ARHGAP10: variants seen among roughly 807,000 people sequenced by gnomAD.
ARHGAP10 encodes rho GTPase-activating protein 10.
Under a neutral mutation model 108.6 loss-of-function variants are expected in ARHGAP10, and 87 were observed. That is an observed-to-expected ratio of 0.80 (90% CI 0.67 to 0.96). ARHGAP10 has a LOEUF of 0.96. Among genes scored for constraint, ARHGAP10 ranks in the 40% least tolerant of loss-of-function variants. ARHGAP10 has a pLI of 0.00. For missense variants in ARHGAP10, 939 were observed against 954.5 expected, an observed-to-expected ratio of 0.98 and a Z score of 0.21; for synonymous variants, 347 against 341.1, an observed-to-expected ratio of 1.02 and a Z score of -0.19.
intron 1 of ARHGAP10, among the ~76,000 whole-genome samples, chr4:147,761,529 C>T (rs1379308772): frequency 6.6e-6 from 1 of 152,136 alleles, no homozygotes; most frequent in Non-Finnish European, 1.5e-5. Flanking sequence ...CTCTCTGATT[C>T]TCAAAACTTG....
intron 22 of ARHGAP10, 38 bp from the exon 23 acceptor site, chr4:148,071,955 G>T: frequency 1.3e-6 from 2 of 1,585,710 alleles, no homozygotes; most frequent in Non-Finnish European, 1.7e-6. Context: ...AAGTACTTGG[G>T]GGCATTTTGT....
Position 147,822,714 on chromosome 4 carries a change from C to T in ARHGAP10, c.155-13C>T, listed in dbSNP as rs777062898. Reference sequence around the variant, plus strand: ...AACAAGAACCCAAGTCATCATTATACTTTTCTTTCTAGGTCTGTCAGTGGC... The same window carrying T: ...AACAAGAACCCAAGTCATCATTATATTTTTCTTTCTAGGTCTGTCAGTGGC... On this transcript the variant is annotated splice_polypyrimidine_tract_variant and intron_variant, in intron 1 of 22. Coordinates refer to ENST00000336498, the MANE Select transcript of ARHGAP10 (RefSeq NM_024605.4). 6.2e-7 allele frequency: 1 copy of T among 1,611,702 alleles called. No homozygotes were observed. Among genetic ancestry groups the T allele is most frequent in the Non-Finnish European group, 8.5e-7 (1 of 1,178,052 alleles).
At chr4:147,992,310 T>C (rs2149636945) in intron 18 of ARHGAP10, among the ~76,000 whole-genome samples, 1 of 152,280 alleles carries the variant, frequency 6.6e-6, no homozygotes, top group African/African-American at 2.4e-5. Flanking sequence ...TGGTCAAACT[T>C]CCCCCTTCAC....
chr4:147,782,148 CAG>C (rs1162482519), intron 1 of ARHGAP10, among the ~76,000 whole-genome samples: 1 of 152,186 alleles, frequency 6.6e-6, no homozygotes, highest in African/African-American at 2.4e-5. Flanking sequence ...GAATGTCCTG[CAG>C]AGAGACTGAA....
intron 4 of ARHGAP10, among the ~76,000 whole-genome samples, chr4:147,853,751 A>G (rs1733972334): frequency 1.4e-5 from 2 of 146,796 alleles, no homozygotes; most frequent in African/African-American, 5.1e-5. Flanking sequence ...TTTTTTTTTT[A>G]TATTGGCAAG....
intron 1 of ARHGAP10, among the ~76,000 whole-genome samples, chr4:147,769,144 A>T (rs1729966374): frequency 6.6e-6 from 1 of 152,164 alleles, no homozygotes; most frequent in Non-Finnish European, 1.5e-5. Flanking sequence ...TTAAGGTAGG[A>T]CTAATCTGTT....
At chr4:147,870,806 A>G (rs1297227464) in intron 7 of ARHGAP10, among the ~76,000 whole-genome samples, 3 of 152,194 alleles carry the variant, frequency 2.0e-5, no homozygotes, top group African/African-American at 7.2e-5. Flanking sequence ...ACAGTGTGCA[A>G]AATTTTAGGA....
At chr4:147,969,212 G>A (rs924425243) in intron 18 of ARHGAP10, among the ~76,000 whole-genome samples, 1 of 151,916 alleles carries the variant, frequency 6.6e-6, no homozygotes, top group Non-Finnish European at 1.5e-5. Flanking sequence ...GTTCTAGCTT[G>A]TTGCTAATGT....
intron 18 of ARHGAP10, among the ~76,000 whole-genome samples, chr4:147,971,340 G>C (rs894041375): frequency 7.2e-5 from 11 of 152,082 alleles, no homozygotes; most frequent in African/African-American, 2.7e-4. Flanking sequence ...GTCATTCATG[G>C]TGTGAGATTT....
chr4:148,001,693 C>G (rs1413846392), intron 18 of ARHGAP10, among the ~76,000 whole-genome samples: 1 of 151,824 alleles, frequency 6.6e-6, no homozygotes, highest in East Asian at 1.9e-4. Context: ...TGGGAGTTCA[C>G]TCATGATTTG....
At chr4:147,782,926 AATATATAAAATTATATATT>A (rs1730599418) in intron 1 of ARHGAP10, among the ~76,000 whole-genome samples, 1 of 142,568 alleles carries the variant, frequency 7.0e-6, no homozygotes, top group Admixed American at 7.3e-5. Context: ...TAAATTATAT[AATATATAAAATTATATATT>A]ATATAAATTA....
At chr4:147,973,437 C>T (rs116267654) in intron 18 of ARHGAP10, among the ~76,000 whole-genome samples, 2,573 of 152,128 alleles carry the variant, frequency 0.017, 49 homozygotes, top group South Asian at 0.084. Flanking sequence ...TTATGGGGTA[C>T]ATGAGATATT....
chr4:147,885,024 G>T (rs1579159016), intron 10 of ARHGAP10, among the ~76,000 whole-genome samples: 1 of 152,084 alleles, frequency 6.6e-6, no homozygotes, highest in Non-Finnish European at 1.5e-5. Flanking sequence ...AGTGGGGGTG[G>T]AGCCAAGTGG....
At chr4:148,038,890 TCTG>T (rs1728497661) in intron 19 of ARHGAP10, among the ~76,000 whole-genome samples, 2 of 152,158 alleles carry the variant, frequency 1.3e-5, no homozygotes, top group South Asian at 4.1e-4. Flanking sequence ...CAAATGTTCT[TCTG>T]CTTTTTAAAA....
At chr4:147,906,426 TAATG>T (rs1736496912) in intron 10 of ARHGAP10, among the ~76,000 whole-genome samples, 3 of 152,218 alleles carry the variant, frequency 2.0e-5, no homozygotes, top group South Asian at 4.1e-4. Flanking sequence ...AAAGTTCTGT[TAATG>T]GATGGTGGTG....
At chr4:147,874,324 A>C (rs1480047562) in intron 7 of ARHGAP10, among the ~76,000 whole-genome samples, 3 of 152,234 alleles carry the variant, frequency 2.0e-5, no homozygotes, top group Admixed American at 6.5e-5. Flanking sequence ...TTGCCTTGCT[A>C]ATTCTGTCAC....
Position 148,065,979 on chromosome 4 carries a change from C to CAAAAAAAAAA in ARHGAP10, c.2272+1480_2272+1489dup, listed in dbSNP as rs34551897. Among the ~76,000 whole-genome samples, 2 of 98,584 alleles carry CAAAAAAAAAA rather than the reference C, an allele frequency of 2.0e-5. 1 individual carries two copies. The highest frequency in any genetic ancestry group is 8.3e-5 in the African/African-American group (2 of 24,036). 64.7% of individuals were successfully genotyped at this position (98,584 alleles called of 152,430 possible). Reference sequence around the variant, plus strand: ...TGGATAACACAGTGAGACCCCATCTCAAAAAAAAAAAAAAAAAGGGTTGAG... The same window carrying CAAAAAAAAAA: ...TGGATAACACAGTGAGACCCCATCTCAAAAAAAAAAAAAAAAAAAAAAAAAAAGGGTTGAG... On this transcript the variant is annotated intron_variant, in intron 22 of 22. Coordinates refer to ENST00000336498, the MANE Select transcript of ARHGAP10 (RefSeq NM_024605.4).
chr4:148,061,613 GTT>G (rs35503875), intron 20 of ARHGAP10, among the ~76,000 whole-genome samples: 40 of 149,366 alleles, frequency 2.7e-4, no homozygotes, highest in East Asian at 2.6e-3. Context: ...GAAGAATAAT[GTT>G]TTTTTTTTTT....
At chr4:147,961,416 T>C (rs943400269) in intron 16 of ARHGAP10, among the ~76,000 whole-genome samples, 6 of 152,204 alleles carry the variant, frequency 3.9e-5, no homozygotes. Flanking sequence ...TGGTTTGTAG[T>C]TCTTTCTAAT....
Sources: allele counts gnomAD v4.1 joint callset (sites outside exome capture counted in the v4.1 genomes callset), GRCh38; gene constraint gnomAD v4.1.1; transcripts MANE v1.5; gene names NCBI Gene and HGNC (gene_info 2026-07-23, HGNC 2026-07-21).